BDH1: variants seen among roughly 807,000 people sequenced by gnomAD.
BDH1 encodes the protein 3-hydroxybutyrate dehydrogenase 1.
Under a neutral mutation model 33.1 loss-of-function variants are expected in BDH1, and 30 were observed. The observed-to-expected ratio is 0.91, with a 90% CI of 0.68 to 1.23. BDH1 has a LOEUF of 1.23. BDH1 is among the 50% of genes most tolerant of loss of function. BDH1 has a pLI of 0.00. For missense variants in BDH1, 443 were observed against 464.4 expected, an observed-to-expected ratio of 0.95 and a Z score of 0.42; for synonymous variants, 190 against 183.6, an observed-to-expected ratio of 1.03 and a Z score of -0.28.
rs1560320149 is a variant in BDH1, at chr3:197,531,439, G to GTGTATATATATATACATATATGTA, written c.267+972_267+973insTACATATATGTATATATATATACA. On this transcript the variant is annotated intron_variant, in intron 5 of 7. Coordinates refer to ENST00000392379, the MANE Select transcript of BDH1 (RefSeq NM_203314.3). Reference sequence around the variant, plus strand: ...AAAAAATATATATATATATATATGTGTATATATATATATACATATATGTAT... The same window carrying GTGTATATATATATACATATATGTA: ...AAAAAATATATATATATATATATGTGTGTATATATATATACATATATGTATATATATATATATACATATATGTAT... Among the ~76,000 whole-genome samples, 3 of 143,670 alleles carry GTGTATATATATATACATATATGTA rather than the reference G, an allele frequency of 2.1e-5. No individual in the cohort carries two copies. The East Asian group carries it at 5.9e-4, about 28-fold the overall frequency. The allele number at this position is 143,670 out of a possible 152,430, so 94.3% of individuals were successfully genotyped here.
At chr3:197,529,550 TG>T (rs1389990350) in intron 5 of BDH1, 2 of 152,194 alleles carry the variant, frequency 1.3e-5, no homozygotes, top group African/African-American at 4.8e-5. Flanking sequence ...TCACAAATAA[TG>T]TATACACCTG....
intron 3 of BDH1, among the ~76,000 whole-genome samples, chr3:197,544,562 T>C (rs1202090269): frequency 6.6e-6 from 1 of 152,206 alleles, no homozygotes; most frequent in African/African-American, 2.4e-5. Context: ...GTCACCTTCT[T>C]TCAAAAGCCC....
intron 2 of BDH1, among the ~76,000 whole-genome samples, chr3:197,553,861 T>C (rs1042437515): frequency 6.6e-6 from 1 of 152,192 alleles, no homozygotes; most frequent in Non-Finnish European, 1.5e-5. Context: ...GTGTAGGATA[T>C]GAAAGAAGGA....
At chr3:197,562,797 A>C (rs1484886297) in intron 1 of BDH1, among the ~76,000 whole-genome samples, 1 of 151,790 alleles carries the variant, frequency 6.6e-6, no homozygotes, top group African/African-American at 2.4e-5. Flanking sequence ...GAGAATGAGG[A>C]GAAAACAAGG....
At chr3:197,557,147 G>A (rs1230212507), upstream of BDH1, among the ~76,000 whole-genome samples, 2 of 152,172 alleles carry the variant, frequency 1.3e-5, no homozygotes, top group East Asian at 1.9e-4. This position sits in a 1 kb window ranked among gnomAD's most constrained non-coding sequence, Gnocchi z 4.6. Context: ...TTTCCAGACT[G>A]AGCCAATGTT....
rs1456971446 is a variant in BDH1 at position 197,522,875 on chromosome 3, C to T, written c.268-94G>A. 3 of 1,493,150 alleles carry T rather than the reference C, an allele frequency of 2.0e-6. No homozygotes were observed. Among genetic ancestry groups the T allele is most frequent in the East Asian group, 4.6e-5 (2 of 43,754 alleles). 92.5% of individuals were successfully genotyped at this position (1,493,150 alleles called of 1,614,324 possible). A position where few individuals can be genotyped will look rare whatever the true frequency, so the allele number is the denominator to read the frequency against. Reference sequence around the variant, plus strand: ...GTCAAGGCAGGAGCTGGCCTCAAGTCCCAGCCAAAGCCTCAGGCATACTGG... The same window carrying T: ...GTCAAGGCAGGAGCTGGCCTCAAGTTCCAGCCAAAGCCTCAGGCATACTGG... On this transcript the variant is annotated intron_variant, in intron 5 of 7. Transcript: ENST00000392379. The surrounding 1 kb of genome is among the most constrained non-coding windows in gnomAD (Gnocchi z 4.8).
At chr3:197,557,210 G>A (rs535965479), upstream of BDH1, among the ~76,000 whole-genome samples, 2 of 152,232 alleles carry the variant, frequency 1.3e-5, no homozygotes, top group African/African-American at 2.4e-5. This position sits in a 1 kb window ranked among gnomAD's most constrained non-coding sequence, Gnocchi z 4.6. Context: ...GTATAAAACC[G>A]AGCTGTGTCC....
rs905032062 is a variant in BDH1 at position 197,525,836 on chromosome 3, A to T, written c.268-3055T>A. Among the ~76,000 whole-genome samples the T allele has an allele frequency of 1.3e-5, 2 of 151,492 alleles. No homozygotes were observed. Among genetic ancestry groups the T allele is most frequent in the African/African-American group, 4.9e-5 (2 of 40,848 alleles). On this transcript the variant is annotated intron_variant, in intron 5 of 7. Transcript: ENST00000392379. The surrounding 1 kb of genome is among the most constrained non-coding windows in gnomAD (Gnocchi z 4.9). ...CAGGCCACACCACCTCCCTGGACCC[A>T]GGGTTTCTGTGCTCCCTCTGCAGGT... is the stretch of plus-strand genomic sequence containing the variant.
chr3:197,518,912 G>C (rs6792458), intron 6 of BDH1, among the ~76,000 whole-genome samples: 3 of 16,126 alleles, frequency 1.9e-4, no homozygotes, highest in Admixed American at 9.3e-4. Context: ...TGACCTCCCC[G>C]CCCCATCAGT....
chr3:197,522,859 G>A lies in BDH1; in HGVS notation c.268-78C>T, dbSNP rs543103102. The A allele has an allele frequency of 4.6e-4, 715 of 1,549,386 alleles. 2 individuals are homozygous for A. Among genetic ancestry groups the A allele is most frequent in the Middle Eastern group, 2.7e-3 (16 of 5,820 alleles). ...GACCCTGAGGACTCCTGTCAAGGCA[G>A]GAGCTGGCCTCAAGTCCCAGCCAAA... On this transcript the variant is annotated intron_variant, in intron 5 of 7. Transcript: ENST00000392379. The surrounding 1 kb of genome is among the most constrained non-coding windows in gnomAD (Gnocchi z 4.8).
chr3:197,532,683 G>A (rs748540843), intron 4 of BDH1, among the ~76,000 whole-genome samples, 161 bp from the exon 5 acceptor site: 2 of 152,216 alleles, frequency 1.3e-5, no homozygotes, highest in African/African-American at 2.4e-5. Flanking sequence ...CCATGGTATA[G>A]TGGAAAGGCC....
At chr3:197,515,284 CAG>C (rs1372593164) in intron 6 of BDH1, 9 of 985,268 alleles carry the variant, frequency 9.1e-6, no homozygotes, top group Non-Finnish European at 1.1e-5. Flanking sequence ...TGCTGGTTAA[CAG>C]AGTGTCCATG....
At chr3:197,562,833 A>G (rs1717311328) in intron 1 of BDH1, among the ~76,000 whole-genome samples, 1 of 152,136 alleles carries the variant, frequency 6.6e-6, no homozygotes, top group Non-Finnish European at 1.5e-5. Context: ...AGAGCACCTT[A>G]TTGGTTTTAT....
At chr3:197,562,787 G>C (rs1449702357) in intron 1 of BDH1, among the ~76,000 whole-genome samples, 1 of 152,012 alleles carries the variant, frequency 6.6e-6, no homozygotes, top group Admixed American at 6.5e-5. Flanking sequence ...GAAACAATCT[G>C]AGAATGAGGA....
chr3:197,527,025 T>C (rs188379953), intron 5 of BDH1, among the ~76,000 whole-genome samples: 67 of 152,324 alleles, frequency 4.4e-4, no homozygotes, highest in African/African-American at 1.5e-3. Context: ...TTTCTTATAA[T>C]ACTGAGGCAG....
In BDH1 at chr3:197,520,049, C is replaced by T. The variant is rs568254178; in HGVS notation, c.409+2591G>A. 6.6e-6 allele frequency among the ~76,000 whole-genome samples: 1 copy of T among 152,194 alleles called. No homozygotes were observed. The highest frequency in any genetic ancestry group is 2.4e-5 in the African/African-American group (1 of 41,520). The stretch of plus-strand genomic sequence containing the variant: ...TGCATGGGGTGTGGGTCGGTGGCGG[C>T]CACTGCGGGTCGGAACGCTCTGGGA... On this transcript the variant is annotated intron_variant, in intron 6 of 7. Coordinates refer to ENST00000392379, the MANE Select transcript of BDH1 (RefSeq NM_203314.3). The surrounding 1 kb of genome is among the most constrained non-coding windows in gnomAD (Gnocchi z 6.0).
chr3:197,524,930 G>A (rs537947258), intron 5 of BDH1, among the ~76,000 whole-genome samples: 21 of 152,290 alleles, frequency 1.4e-4, no homozygotes, highest in South Asian at 1.2e-3. Flanking sequence ...GCACTGTGGC[G>A]TGGCCCGCTA....
intron 3 of BDH1, among the ~76,000 whole-genome samples, chr3:197,544,420 T>C (rs535708952): frequency 9.9e-5 from 15 of 152,216 alleles, no homozygotes; most frequent in Non-Finnish European, 1.9e-4. Flanking sequence ...ACAAAACCTT[T>C]GTAAAAGTAT....
At chr3:197,553,527 C>CA (rs750811753) in intron 2 of BDH1, among the ~76,000 whole-genome samples, 3,176 of 96,896 alleles carry the variant, frequency 0.033, 83 homozygotes, top group East Asian at 0.2. Context: ...GACTCTGTCT[C>CA]AAAAAAAAAA....
Sources: gnomAD v4.1 joint callset for allele counts (sites outside exome capture counted in the v4.1 genomes callset) on GRCh38, gnomAD v4.1.1 for gene constraint, Gnocchi (gnomAD v3.1) non-coding constraint, MANE v1.5 for transcripts, NCBI Gene and HGNC (gene_info 2026-07-23, HGNC 2026-07-21) for gene names.